LNX2: variants seen among roughly 807,000 people sequenced by gnomAD.
LNX2 encodes the protein ligand of Numb protein X 2.
LNX2 carries 35 observed loss-of-function variants against 66.2 expected under a neutral mutation model. The observed-to-expected ratio is 0.53, with a 90% CI of 0.40 to 0.70. The LOEUF (loss-of-function observed/expected upper bound fraction) is 0.70. LNX2 is among the 30% of genes least tolerant of loss of function. The probability of loss-of-function intolerance (pLI) is 0.00; values close to 1 mark genes in which losing one functional copy is unlikely to be tolerated. For missense variants in LNX2, 791 were observed against 850.8 expected, an observed-to-expected ratio of 0.93 and a Z score of 0.87; for synonymous variants, 337 against 315.6, an observed-to-expected ratio of 1.07 and a Z score of -0.72.
At chr13:27,596,290 T>C (rs1955598428) in intron 1 of LNX2, among the ~76,000 whole-genome samples, 1 of 152,148 alleles carries the variant, frequency 6.6e-6, no homozygotes, top group African/African-American at 2.4e-5. Context: ...ATATAAAAAC[T>C]ATAAAAAGTT....
intron 1 of LNX2, among the ~76,000 whole-genome samples, chr13:27,604,079 CCT>C (rs948235678): frequency 5.9e-5 from 9 of 152,026 alleles, no homozygotes; most frequent in African/African-American, 2.2e-4. Flanking sequence ...ACGGTGAAAC[CCT>C]GTCTCTACTA....
chr13:27,553,571 C>T, intron 7 of LNX2, 132 bp from the exon 8 acceptor site: 1 of 607,604 alleles, frequency 1.6e-6, no homozygotes, highest in South Asian at 2.1e-5. Flanking sequence ...TAATAAATGG[C>T]ATTTATTATT....
chr13:27,607,306 T>TA (rs1185451183), intron 1 of LNX2, among the ~76,000 whole-genome samples: 1 of 152,210 alleles, frequency 6.6e-6, no homozygotes, highest in East Asian at 1.9e-4. Flanking sequence ...TCCTGGTTTC[T>TA]AAAAACGCAC....
intron 1 of LNX2, among the ~76,000 whole-genome samples, chr13:27,602,606 G>C (rs995849991): frequency 6.6e-6 from 1 of 152,110 alleles, no homozygotes; most frequent in African/African-American, 2.4e-5. Flanking sequence ...CTTATTGATG[G>C]ACAACTGGGC....
chr13:27,559,707 C>T, intron 6 of LNX2, 135 bp downstream of exon 6: 9 of 804,394 alleles, frequency 1.1e-5, no homozygotes, highest in Non-Finnish European at 1.6e-5. Flanking sequence ...AATAACAACC[C>T]TCATTTGAAT....
At chr13:27,562,293 C>A in intron 5 of LNX2, 120 bp downstream of exon 5, 1 of 1,266,830 alleles carries the variant, frequency 7.9e-7, no homozygotes, top group Non-Finnish European at 1.1e-6. Flanking sequence ...GTAGCCACAC[C>A]CGATTTTCTA....
chr13:27,548,070 C>T lies in LNX2; in HGVS notation c.*265G>A, dbSNP rs73446804. 0.012 allele frequency: 4,703 copies of T among 403,646 alleles called. 192 individuals carry two copies. Among genetic ancestry groups the T allele is most frequent in the African/African-American group, 0.086 (4,282 of 49,626 alleles). 25.0% of individuals were successfully genotyped at this position (403,646 alleles called of 1,614,324 possible). Reference sequence around the variant, plus strand: ...AGTTTGGGTGAGCTTTGCTCATTACCATAGGTAACATTTTAACAACTAAGT... The same window carrying T: ...AGTTTGGGTGAGCTTTGCTCATTACTATAGGTAACATTTTAACAACTAAGT... On this transcript the variant is annotated 3_prime_UTR_variant, in exon 10 of 10. Transcript: ENST00000316334.
At chr13:27,579,935 C>T (rs893729189) in intron 2 of LNX2, among the ~76,000 whole-genome samples, 2 of 152,168 alleles carry the variant, frequency 1.3e-5, no homozygotes, top group Admixed American at 6.5e-5. Context: ...CATTATTACA[C>T]GCATTTTCAA....
At chr13:27,595,051 C>T (rs1051259246) in intron 1 of LNX2, among the ~76,000 whole-genome samples, 2 of 152,184 alleles carry the variant, frequency 1.3e-5, no homozygotes, top group African/African-American at 4.8e-5. Context: ...GCAATTAAAC[C>T]TTCCCAGATC....
chr13:27,563,005 C>G (rs1446022435), intron 4 of LNX2, among the ~76,000 whole-genome samples: 2 of 152,120 alleles, frequency 1.3e-5, no homozygotes, highest in African/African-American at 2.4e-5. Context: ...AGAATAGTAG[C>G]TAGGATCACG....
rs1955436482 is a variant in LNX2 at position 27,583,244 on chromosome 13, GTGTGTGT to G, written c.-100-1448_-100-1442del. ...TGTGTGTGTGTGTGTGTGTGTGTGT[GTGTGTGT>G]GTGTGCGCGCGTCCTCTCCAACATA... On this transcript the variant is annotated intron_variant, in intron 1 of 9. Coordinates refer to ENST00000316334, the MANE Select transcript of LNX2 (RefSeq NM_153371.4). Among the ~76,000 whole-genome samples the G allele has an allele frequency of 6.0e-5, 2 of 33,100 alleles. 1 individual carries two copies. The highest frequency in any genetic ancestry group is 9.4e-4 in the East Asian group (2 of 2,126). 21.7% of individuals were successfully genotyped at this position (33,100 alleles called of 152,430 possible).
At chr13:27,590,252 AT>A (rs1566127497) in intron 1 of LNX2, among the ~76,000 whole-genome samples, 3 of 150,608 alleles carry the variant, frequency 2.0e-5, no homozygotes, top group African/African-American at 7.3e-5. Context: ...TTATTTATTT[AT>A]TTTTTGAGTC....
chr13:27,564,682 C>T (rs1955183430), intron 4 of LNX2, among the ~76,000 whole-genome samples: 1 of 152,104 alleles, frequency 6.6e-6, no homozygotes, highest in Non-Finnish European at 1.5e-5. Context: ...AAGCCACACA[C>T]TGCTTATGTA....
At chr13:27,604,111 G>A (rs903081310) in intron 1 of LNX2, among the ~76,000 whole-genome samples, 30 of 152,156 alleles carry the variant, frequency 2.0e-4, no homozygotes, top group African/African-American at 7.0e-4. Context: ...AAAACTAACC[G>A]GGCGTGGTGG....
chr13:27,573,878 A>C (rs1955314070), intron 2 of LNX2, among the ~76,000 whole-genome samples: 1 of 151,858 alleles, frequency 6.6e-6, no homozygotes, highest in Non-Finnish European at 1.5e-5. Flanking sequence ...ACTGTTCAAT[A>C]CAAAATTAAG....
intron 8 of LNX2, among the ~76,000 whole-genome samples, chr13:27,551,101 C>G (rs990952668): frequency 6.6e-6 from 1 of 152,046 alleles, no homozygotes; most frequent in African/African-American, 2.4e-5. Flanking sequence ...CTGAAAAACA[C>G]TAACAAAAAA....
At chr13:27,568,439 G>A (rs139509195) in intron 3 of LNX2, among the ~76,000 whole-genome samples, 41 of 152,262 alleles carry the variant, frequency 2.7e-4, no homozygotes, top group African/African-American at 9.1e-4. Flanking sequence ...TTCCTAGTGG[G>A]TAACAGAGCA....
chr13:27,620,702 G>C (rs982294561), upstream of LNX2: 1 of 152,438 alleles, frequency 6.6e-6, no homozygotes, highest in African/African-American at 2.4e-5. Flanking sequence ...CTCGGGAGGC[G>C]GGCCAGAAGG....
chr13:27,584,265 C>G (rs1317842230), intron 1 of LNX2, among the ~76,000 whole-genome samples: 2 of 151,880 alleles, frequency 1.3e-5, no homozygotes, highest in African/African-American at 4.8e-5. Context: ...TTAAAGTAGG[C>G]CAGATGCAGA....
Sources: gnomAD v4.1 joint callset for allele counts (sites outside exome capture counted in the v4.1 genomes callset) on GRCh38, gnomAD v4.1.1 for gene constraint, MANE v1.5 for transcripts, NCBI Gene and HGNC (gene_info 2026-07-23, HGNC 2026-07-21) for gene names.